The following UNC13C variants were observed in gnomAD, a reference collection of about 807,000 sequenced individuals.
The protein encoded by UNC13C is unc-13 homolog C.
In UNC13C, 174 loss-of-function variants were observed where a neutral mutation model predicts 245.4. The observed-to-expected ratio is 0.71, with a 90% CI of 0.63 to 0.80. UNC13C has a LOEUF of 0.80. Ranked by LOEUF, UNC13C falls within the 30% of genes least tolerant of loss-of-function variation. UNC13C has a pLI of 0.00. For missense variants in UNC13C, 2,829 were observed against 2,602.9 expected (o/e 1.09, Z -1.89); for synonymous variants, 992 against 895.1 (o/e 1.11, Z -1.93).
chr15:53,960,435 T>C, the UNC13C span, among the ~76,000 whole-genome samples: 1 of 152,154 alleles, frequency 6.6e-6, no homozygotes, highest in Non-Finnish European at 1.5e-5. Flanking sequence ...GTATTCTTTG[T>C]CTTGTTCAAA....
chr15:54,468,316 G>A (rs1012592126), intron 19 of UNC13C, among the ~76,000 whole-genome samples: 26 of 151,682 alleles, frequency 1.7e-4, no homozygotes, highest in Middle Eastern at 3.4e-3. Context: ...TTGTTATTGA[G>A]TTGTTTGAGT....
rs111929150 is a variant in UNC13C at position 54,431,512 on chromosome 15, T to G, written c.4933+16445T>G. 3.8e-3 allele frequency among the ~76,000 whole-genome samples: 584 copies of G among 151,800 alleles called. 3 individuals carry two copies. The highest frequency in any genetic ancestry group is 0.013 in the African/African-American group (560 of 41,492). ...CTGGTTTTATCTTAAACTCTGAAATTTGATGTCAAATATTTTTATTGTTTC... is the reference window on the plus strand; with the variant it reads ...CTGGTTTTATCTTAAACTCTGAAATGTGATGTCAAATATTTTTATTGTTTC... On this transcript the variant is annotated intron_variant, in intron 19 of 32. Coordinates refer to ENST00000260323, the MANE Select transcript of UNC13C (RefSeq NM_001080534.3).
chr15:54,364,518 T>C lies in UNC13C; in HGVS notation c.4713+26029T>C, dbSNP rs1382262437. Among the ~76,000 whole-genome samples the C allele has an allele frequency of 2.0e-5, 3 of 152,166 alleles. No individual in the cohort carries two copies. The East Asian group carries it at 5.8e-4, about 29-fold the overall frequency. ...TAATGTCATTTTGTACACATTTAAA[T>C]TCAATTTAGTATCATCTTTTGAGTG... On this transcript the variant is annotated intron_variant, in intron 17 of 32. Transcript: ENST00000260323.
chr15:54,233,203 C>A lies in UNC13C; in HGVS notation c.3072-1827C>A, dbSNP rs1038991138. On this transcript the variant is annotated intron_variant, in intron 4 of 32. Transcript: ENST00000260323. ...GAGTGTTAATTGTCATTATTCTGGG[C>A]AATGAGGGAAATCATATTAGCTATT... 6.6e-5 allele frequency among the ~76,000 whole-genome samples: 10 copies of A among 152,186 alleles called. No homozygotes were observed. In the East Asian group the frequency reaches 1.9e-3, roughly 29 times the overall value.
intron 7 of UNC13C, among the ~76,000 whole-genome samples, chr15:54,246,362 C>G (rs2035990953): frequency 6.9e-6 from 1 of 145,186 alleles, no homozygotes; most frequent in Non-Finnish European, 1.5e-5. Context: ...TCTATAACAG[C>G]AAAAAAAATT....
the UNC13C span, among the ~76,000 whole-genome samples, chr15:53,959,000 A>G: frequency 6.6e-6 from 1 of 152,062 alleles, no homozygotes; most frequent in Non-Finnish European, 1.5e-5. Flanking sequence ...TTCTACCTCC[A>G]TGAGAGCAAC....
chr15:53,866,465 T>G, the UNC13C span, among the ~76,000 whole-genome samples: 3 of 152,208 alleles, frequency 2.0e-5, no homozygotes, highest in Non-Finnish European at 2.9e-5. Context: ...TTAACAAGTT[T>G]AAATGAATAC....
intron 4 of UNC13C, among the ~76,000 whole-genome samples, chr15:54,198,265 A>C (rs1471294683): frequency 6.6e-6 from 1 of 152,076 alleles, no homozygotes; most frequent in Non-Finnish European, 1.5e-5. Context: ...GACAAAGCTC[A>C]TGATCTCTTG....
At chr15:53,865,569 A>C in the UNC13C span, among the ~76,000 whole-genome samples, 1 of 152,168 alleles carries the variant, frequency 6.6e-6, no homozygotes, top group East Asian at 1.9e-4. Flanking sequence ...TTTATCTTCA[A>C]ATAGGCTTAT....
At chr15:53,891,310 G>A in the UNC13C span, among the ~76,000 whole-genome samples, 5 of 152,134 alleles carry the variant, frequency 3.3e-5, no homozygotes, top group African/African-American at 7.2e-5. Context: ...GAACAAGTGC[G>A]ATGAGGTGCT....
intron 2 of UNC13C, among the ~76,000 whole-genome samples, chr15:54,054,461 T>G (rs1363738139): frequency 6.6e-6 from 1 of 152,212 alleles, no homozygotes; most frequent in Non-Finnish European, 1.5e-5. Flanking sequence ...AACAGAATTT[T>G]GTGAATAGAA....
chr15:54,049,341 A>G (rs1897176040), intron 2 of UNC13C: 1 of 510,650 alleles, frequency 2.0e-6, no homozygotes, highest in African/African-American at 2.0e-5. Flanking sequence ...TACTACTAAC[A>G]TCTACAAGAA....
intron 12 of UNC13C, among the ~76,000 whole-genome samples, chr15:54,298,733 G>A (rs2037499850): frequency 6.6e-6 from 1 of 152,114 alleles, no homozygotes; most frequent in South Asian, 2.1e-4. Flanking sequence ...TTAGTTAGAG[G>A]TGTCACGGGA....
At chr15:54,112,612 A>G (rs1486297070) in intron 2 of UNC13C, among the ~76,000 whole-genome samples, 1 of 152,100 alleles carries the variant, frequency 6.6e-6, no homozygotes, top group Admixed American at 6.5e-5. Context: ...ACATCTGCCG[A>G]CATTCACTCG....
At chr15:54,388,435 A>C (rs1009900078) in intron 17 of UNC13C, among the ~76,000 whole-genome samples, 18 of 152,036 alleles carry the variant, frequency 1.2e-4, no homozygotes, top group African/African-American at 3.9e-4. Flanking sequence ...TATGGGTCCA[A>C]CTCGAGGCTG....
chr15:54,143,517 T>C, intron 3 of UNC13C, 103 bp from the exon 4 acceptor site: 1 of 801,550 alleles, frequency 1.2e-6, no homozygotes, highest in Non-Finnish European at 2.1e-6. Flanking sequence ...ATACTAGGTG[T>C]TACGTGTGTA....
At chr15:54,072,378 G>A (rs1252790720) in intron 2 of UNC13C, among the ~76,000 whole-genome samples, 1 of 152,106 alleles carries the variant, frequency 6.6e-6, no homozygotes, top group East Asian at 1.9e-4. Flanking sequence ...CCCAAATCCA[G>A]GGCAACTGAA....
At chr15:54,578,381 A>C (rs974815805) in intron 30 of UNC13C, among the ~76,000 whole-genome samples, 4 of 152,248 alleles carry the variant, frequency 2.6e-5, no homozygotes, top group South Asian at 4.1e-4. Context: ...TGTATATATG[A>C]TGCATTTCTT....
At chr15:54,474,875 C>A (rs1376430129) in intron 19 of UNC13C, among the ~76,000 whole-genome samples, 1 of 151,778 alleles carries the variant, frequency 6.6e-6, no homozygotes, top group Non-Finnish European at 1.5e-5. Context: ...CATCACACGA[C>A]AAGAGAGGAG....
Sources: gnomAD v4.1 joint callset for allele counts (sites outside exome capture counted in the v4.1 genomes callset) on GRCh38, gnomAD v4.1.1 for gene constraint, MANE v1.5 for transcripts, NCBI Gene and HGNC (gene_info 2026-07-23, HGNC 2026-07-21) for gene names.